Variants in ABI3BP observed in about 807,000 individuals in gnomAD.
ABI3BP encodes the protein target of Nesh-SH3.
ABI3BP carries 216 observed loss-of-function variants against 268.6 expected under a neutral mutation model. The observed-to-expected ratio is 0.80, with a 90% CI of 0.72 to 0.90. The LOEUF (loss-of-function observed/expected upper bound fraction) is 0.90, where lower values mean the gene tolerates loss of function less well. Among genes scored for constraint, ABI3BP ranks in the 40% least tolerant of loss-of-function variants. ABI3BP has a pLI of 0.00. For synonymous variants in ABI3BP, 730 were observed against 730.0 expected (o/e 1.00, Z 0.00); for missense variants, 2,090 against 2,182.4 (o/e 0.96, Z 0.84).
At chr3:100,974,664 T>C (rs548224722) in intron 1 of ABI3BP, among the ~76,000 whole-genome samples, 34 of 152,196 alleles carry the variant, frequency 2.2e-4, no homozygotes, top group African/African-American at 7.7e-4. Context: ...TTGATTAACA[T>C]TGACAAATTA....
chr3:100,962,913 A>AT (rs2079649240), intron 1 of ABI3BP, among the ~76,000 whole-genome samples: 1 of 152,150 alleles, frequency 6.6e-6, no homozygotes, highest in Non-Finnish European at 1.5e-5. Flanking sequence ...CTCTTATAGG[A>AT]AACAGCCTAC....
intron 1 of ABI3BP, among the ~76,000 whole-genome samples, chr3:100,938,959 C>T (rs530853975): frequency 2.6e-5 from 4 of 152,138 alleles, no homozygotes; most frequent in African/African-American, 9.6e-5. Flanking sequence ...GCACATGTGC[C>T]TGTGCATGCA....
intron 2 of ABI3BP, among the ~76,000 whole-genome samples, chr3:100,921,813 G>A (rs1333525955): frequency 6.6e-6 from 1 of 152,202 alleles, no homozygotes; most frequent in Non-Finnish European, 1.5e-5. Context: ...GGTATTAAAT[G>A]TAAAAATGGT....
chr3:100,759,131 C>G (rs9832907), intron 63 of ABI3BP, among the ~76,000 whole-genome samples: 7,725 of 152,152 alleles, frequency 0.051, 571 homozygotes, highest in African/African-American at 0.17. Context: ...AAATCTCAAG[C>G]AAACTGTTTT....
intron 2 of ABI3BP, chr3:100,911,917 C>A: frequency 7.5e-7 from 1 of 1,331,082 alleles, no homozygotes; most frequent in South Asian, 1.2e-5. Flanking sequence ...TTCTTTTTGA[C>A]ATTGGAGAAT....
chr3:100,882,438 T>C (rs2039788211), intron 6 of ABI3BP, among the ~76,000 whole-genome samples: 2 of 146,658 alleles, frequency 1.4e-5, no homozygotes, highest in Non-Finnish European at 3.0e-5. Flanking sequence ...TAAGTTCATA[T>C]ATATATAATA....
intron 62 of ABI3BP, among the ~76,000 whole-genome samples, chr3:100,767,017 T>A (rs1161987143): frequency 6.6e-6 from 1 of 152,128 alleles, no homozygotes; most frequent in Non-Finnish European, 1.5e-5. Context: ...GGGGAGGATT[T>A]TTTTTTGTTG....
intron 4 of ABI3BP, among the ~76,000 whole-genome samples, chr3:100,894,032 G>A (rs2046000457): frequency 2.0e-5 from 3 of 152,126 alleles, no homozygotes; most frequent in Admixed American, 1.3e-4. Context: ...GAAAATAGCA[G>A]GGAATGTAGC....
At chr3:100,890,247 A>T (rs1274446912) in intron 4 of ABI3BP, among the ~76,000 whole-genome samples, 1 of 152,080 alleles carries the variant, frequency 6.6e-6, no homozygotes, top group Non-Finnish European at 1.5e-5. Context: ...TCTATTTCCC[A>T]CATTTTTGAC....
At chr3:100,797,013 C>T (rs1359353474) in intron 51 of ABI3BP, among the ~76,000 whole-genome samples, 1 of 152,022 alleles carries the variant, frequency 6.6e-6, no homozygotes, top group African/African-American at 2.4e-5. Flanking sequence ...ATCAGCTAGT[C>T]ATTAGAAGAT....
At chr3:100,932,769 C>G (rs891386530) in intron 1 of ABI3BP, among the ~76,000 whole-genome samples, 2 of 152,272 alleles carry the variant, frequency 1.3e-5, no homozygotes, top group South Asian at 4.1e-4. Flanking sequence ...TTAGTTCAGC[C>G]ATTGTGGAAG....
At chr3:100,823,563 G>A in intron 36 of ABI3BP, 49 bp from the exon 37 acceptor site, 1 of 1,417,768 alleles carries the variant, frequency 7.1e-7, no homozygotes, top group Non-Finnish European at 9.5e-7. Context: ...CATATGAGAA[G>A]TTAGAACACT....
intron 66 of ABI3BP, 162 bp downstream of exon 66, chr3:100,752,625 T>C: frequency 1.5e-6 from 1 of 671,276 alleles, no homozygotes; most frequent in Non-Finnish European, 2.4e-6. Context: ...ATCCTTGCTT[T>C]CTAGGAATGA....
chr3:100,936,502 G>A (rs2066199582), intron 1 of ABI3BP, among the ~76,000 whole-genome samples: 1 of 152,132 alleles, frequency 6.6e-6, no homozygotes, highest in South Asian at 2.1e-4. Flanking sequence ...AAATGAGTTA[G>A]GGAGAAATCC....
intron 32 of ABI3BP, among the ~76,000 whole-genome samples, chr3:100,830,106 CATACATATATATATATAT>C (rs1269545518): frequency 3.0e-3 from 234 of 76,974 alleles, no homozygotes; most frequent in African/African-American, 0.013. Context: ...TACATACATA[CATACATATATATATATAT>C]ATATATATAT....
intron 31 of ABI3BP, among the ~76,000 whole-genome samples, chr3:100,830,942 A>G (rs1359903385): frequency 6.6e-6 from 1 of 152,158 alleles, no homozygotes; most frequent in Non-Finnish European, 1.5e-5. Context: ...CTGGCTAGTC[A>G]TTTTCTTAGA....
chr3:100,751,021 C>T (rs1000844978), intron 67 of ABI3BP, among the ~76,000 whole-genome samples: 1 of 152,162 alleles, frequency 6.6e-6, no homozygotes, highest in Admixed American at 6.6e-5. Context: ...TAATTTACCC[C>T]CTTCTGCACT....
Position 100,751,558 on chromosome 3 carries a change from T to G in ABI3BP, c.5239A>C (p.Lys1747Gln). 1 of 1,588,416 alleles carries G rather than the reference T, an allele frequency of 6.3e-7. No homozygotes were observed. Among genetic ancestry groups the G allele is most frequent in the South Asian group, 1.2e-5 (1 of 86,406 alleles). ...GGAGGATCAGAAAACATACCTTCTT[T>G]GATTGGTAACTGGTCAGAAGTGAGT... ...QQLTSDQLPI[K>Q]EGYFRAVRQE... The change falls in exon 67 of 68, where the codon AAA (lysine) becomes CAA (glutamine). Residue 1747 changes from lysine to glutamine, a missense_variant. Lys to Gln is a moderately conservative substitution (Grantham distance 53). Coordinates refer to ENST00000471714, the MANE Select transcript of ABI3BP (RefSeq NM_001375547.2).
intron 4 of ABI3BP, among the ~76,000 whole-genome samples, chr3:100,897,512 G>A (rs570991769): frequency 3.9e-5 from 6 of 152,180 alleles, no homozygotes; most frequent in African/African-American, 7.2e-5. Context: ...ATTGATATCC[G>A]CAATGTCATG....
Sources: gnomAD v4.1 joint callset for allele counts (sites outside exome capture counted in the v4.1 genomes callset) on GRCh38, gnomAD v4.1.1 for gene constraint, MANE v1.5 for transcripts, NCBI Gene and HGNC (gene_info 2026-07-23, HGNC 2026-07-21) for gene names.